PTRH1: variants seen among roughly 807,000 people sequenced by gnomAD.
The protein encoded by PTRH1 is peptidyl-tRNA hydrolase 1 homolog.
In PTRH1, 13 loss-of-function variants were observed where a neutral mutation model predicts 15.7. That is an observed-to-expected ratio of 0.83 (90% CI 0.54 to 1.31). The LOEUF is 1.31. Ranked by LOEUF, PTRH1 falls within the 40% of genes most tolerant of loss-of-function variation. The pLI is 0.00. For synonymous variants in PTRH1, 139 were observed against 136.7 expected, an observed-to-expected ratio of 1.02 and a Z score of -0.12; for missense variants, 319 against 296.2, an observed-to-expected ratio of 1.08 and a Z score of -0.56.
At chr9:127,710,812 CA>C, downstream of PTRH1, 1 of 1,534,916 alleles carries the variant, frequency 6.5e-7, no homozygotes, top group Non-Finnish European at 8.8e-7. Flanking sequence ...GGGCTACGAA[CA>C]TCCTAGTCTT....
chr9:127,710,853 A>T, downstream of PTRH1: 1 of 1,368,822 alleles, frequency 7.3e-7, no homozygotes, highest in Non-Finnish European at 1.0e-6. Flanking sequence ...GGGGGGTTAG[A>T]TGGGGAAACT....
chr9:127,701,367 CAT>C (rs1227392208), intron 1 of PTRH1, among the ~76,000 whole-genome samples: 6 of 152,202 alleles, frequency 3.9e-5, no homozygotes, highest in African/African-American at 1.4e-4. Context: ...TCCCAACACA[CAT>C]GGGGCCACTC....
rs201042035 is a variant in PTRH1 at position 127,714,233 on chromosome 9, G to A, written c.512C>T (p.Ala171Val). The change falls in exon 5 of 5, where the codon GCG becomes GTG. Residue 171 changes from alanine (A) to valine (V), a missense_variant. Physicochemically the swap from Ala to Val is moderately conservative, Grantham distance 64. Coordinates refer to ENST00000543175, the MANE Select transcript of PTRH1 (RefSeq NM_001002913.3). ...GCAGCCCAGCACATGGGCCTGAACC[G>A]CCTCAGGGTGCGCCGGGCGCCCGAT... ...VGIGRPAHPEAVQAHVLGCFS... is the reference protein window; with the variant it reads ...VGIGRPAHPEVVQAHVLGCFS... The A allele has an allele frequency of 4.7e-5, 76 of 1,613,962 alleles. 2 individuals carry two copies. In the South Asian group the frequency reaches 7.0e-4, roughly 15 times the overall value.
downstream of PTRH1, chr9:127,712,481 CCTT>C: frequency 6.9e-7 from 1 of 1,458,654 alleles, no homozygotes; most frequent in Non-Finnish European, 9.2e-7. Flanking sequence ...GAAAGTCTGT[CCTT>C]CGCTGATTCT....
In PTRH1 at chr9:127,695,094, G is replaced by GAT. The variant is rs55657635; in HGVS notation, c.252_253insAT (p.His85IlefsTer17). ...TGATGATGATGATGATGATGATGAT[G>GAT]GTGATGATGATGATGCTGCTGCTGT... On this transcript the variant is annotated frameshift_variant, in exon 2 of 3. Coordinates refer to the PTRH1 transcript ENST00000335223. LOFTEE classifies it high-confidence loss of function. 4.7e-5 allele frequency: 33 copies of GAT among 701,834 alleles called. No homozygotes were observed. The highest frequency in any genetic ancestry group is 1.2e-4 in the Admixed American group (6 of 49,924). 43.5% of individuals were successfully genotyped at this position (701,834 alleles called of 1,614,324 possible).
At chr9:127,712,718 G>C (rs61738788), downstream of PTRH1, 2 of 1,614,046 alleles carry the variant, frequency 1.2e-6, no homozygotes, top group Non-Finnish European at 1.7e-6. Context: ...GATGCACCGC[G>C]ATGAAGAGGA....
At chr9:127,698,862 C>G (rs995653684) in intron 1 of PTRH1, among the ~76,000 whole-genome samples, 2 of 151,640 alleles carry the variant, frequency 1.3e-5, no homozygotes, top group African/African-American at 4.8e-5. Context: ...TTAGCCGCCC[C>G]TGGAGCTGTC....
chr9:127,712,543 T>G, downstream of PTRH1: 1 of 1,518,126 alleles, frequency 6.6e-7, no homozygotes, highest in Non-Finnish European at 8.9e-7. Context: ...ATTCCTTCTC[T>G]GAGGCTCTGA....
intron 1 of PTRH1, chr9:127,706,883 TG>T: frequency 1.1e-6 from 1 of 880,324 alleles, no homozygotes. Flanking sequence ...TGCCTTGGAG[TG>T]GGACCTGGTA....
At chr9:127,709,191 T>C (rs1014282349), downstream of PTRH1, among the ~76,000 whole-genome samples, 1 of 152,224 alleles carries the variant, frequency 6.6e-6, no homozygotes, top group African/African-American at 2.4e-5. The surrounding 1 kb of genome is among the most constrained non-coding windows in gnomAD (Gnocchi z 4.7). Context: ...CCTGCCCTCA[T>C]GGAGTTTACA....
rs960230739 is a variant in PTRH1 at position 127,714,380 on chromosome 9, T to A, written c.461A>T (p.Asn154Ile). Residue 154 changes from asparagine (N) to isoleucine (I), a missense_variant and splice_region_variant, in exon 4 of 5, where the codon AAT becomes ATT. By Grantham distance (149) the Asn-to-Ile change is moderately radical. Coordinates refer to ENST00000543175, the MANE Select transcript of PTRH1 (RefSeq NM_001002913.3). ...TGCACAACAAAAGGGTAGACTCACATTGGAGTTGAGGCAGCTAATGCAGGA... is the reference window on the plus strand; with the variant it reads ...TGCACAACAAAAGGGTAGACTCACAATGGAGTTGAGGCAGCTAATGCAGGA... Reference protein sequence around the residue: ...VRSCISCLNSNAMPRLRVGIG... With the variant: ...VRSCISCLNSIAMPRLRVGIG... The A allele has an allele frequency of 6.2e-7, 1 of 1,614,054 alleles. No individual in the cohort carries two copies. The highest frequency in any genetic ancestry group is 8.5e-7 in the Non-Finnish European group (1 of 1,180,030).
intron 2 of PTRH1, 59 bp from the exon 3 acceptor site, chr9:127,714,761 C>T: frequency 7.0e-7 from 1 of 1,419,264 alleles, no homozygotes; most frequent in Non-Finnish European, 9.8e-7. Flanking sequence ...AGGCACTGTC[C>T]CGACTCCCAT....
At chr9:127,714,920 G>GCCCCAA in intron 2 of PTRH1, 55 bp downstream of exon 2, 1 of 454,994 alleles carries the variant, frequency 2.2e-6, no homozygotes, top group Admixed American at 3.4e-5. Context: ...TGGCCCCCGC[G>GCCCCAA]CCCCAACCCC....
chr9:127,696,664 A>G (rs1377177654), intron 1 of PTRH1, among the ~76,000 whole-genome samples: 1 of 152,198 alleles, frequency 6.6e-6, no homozygotes, highest in Non-Finnish European at 1.5e-5. Flanking sequence ...GTTCGAAACC[A>G]GCCTGGCCAA....
intron 1 of PTRH1, chr9:127,707,168 G>C (rs1329143180): frequency 1.2e-6 from 2 of 1,613,134 alleles, no homozygotes; most frequent in East Asian, 4.5e-5. Flanking sequence ...ATCCAGATCC[G>C]AGACCTGGAG....
At chr9:127,695,201 G>A (rs893416351) in intron 1 of PTRH1, 4 of 645,536 alleles carry the variant, frequency 6.2e-6, no homozygotes, top group Middle Eastern at 3.6e-4. Context: ...TCATCAAGAA[G>A]AGAACAGATA....
chr9:127,713,431 C>G, downstream of PTRH1: 1 of 483,178 alleles, frequency 2.1e-6, no homozygotes, highest in Non-Finnish European at 3.6e-6. Flanking sequence ...GTTCTTCCCT[C>G]CCCCACCAGC....
At position 127,713,999 on chromosome 9, in the gene PTRH1, G is replaced by T. The variant is rs1842833070; in HGVS notation, c.*101C>A. 7 of 1,578,940 alleles carry T rather than the reference G, an allele frequency of 4.4e-6. No homozygotes were observed. In the East Asian group the frequency reaches 1.6e-4, roughly 35 times the overall value. On this transcript the variant is annotated 3_prime_UTR_variant, in exon 5 of 5. Transcript: ENST00000543175. ...AGGCAGCCTGGAACAGTCTAGAGGA[G>T]ATTTGTATAAAAAGTAGATACCAAG...
At chr9:127,703,175 G>C (rs879444664) in intron 1 of PTRH1, among the ~76,000 whole-genome samples, 1 of 151,946 alleles carries the variant, frequency 6.6e-6, no homozygotes, top group Non-Finnish European at 1.5e-5. Flanking sequence ...TTAAGGCTAG[G>C]TGCTATGGCT....
Sources: gnomAD v4.1 joint callset for allele counts (sites outside exome capture counted in the v4.1 genomes callset) on GRCh38, gnomAD v4.1.1 for gene constraint, Gnocchi (gnomAD v3.1) non-coding constraint, MANE v1.5 for transcripts, NCBI Gene and HGNC (gene_info 2026-07-23, HGNC 2026-07-21) for gene names.